Variants in CXADR observed in about 807,000 individuals in gnomAD.
CXADR encodes coxsackievirus and adenovirus receptor.
A neutral mutation model predicts 40.3 loss-of-function variants in CXADR; 20 were observed. That is an observed-to-expected ratio of 0.50 (90% confidence interval 0.35 to 0.72). The LOEUF (loss-of-function observed/expected upper bound fraction) is 0.72. Ranked by LOEUF, CXADR falls within the 30% of genes least tolerant of loss-of-function variation. The pLI is 0.01. For synonymous variants in CXADR, 150 were observed against 161.3 expected, an observed-to-expected ratio of 0.93 and a Z score of 0.53; for missense variants, 332 against 449.1, an observed-to-expected ratio of 0.74 and a Z score of 2.36.
At chr21:17,582,034 C>A (rs2061364397) in intron 7 of CXADR, among the ~76,000 whole-genome samples, 1 of 37,894 alleles carries the variant, frequency 2.6e-5, no homozygotes, top group Non-Finnish European at 4.8e-5. Context: ...CTCTGCCCTC[C>A]CGGGTTCAAG....
chr21:17,564,246 AC>A (rs1366608020), intron 6 of CXADR, among the ~76,000 whole-genome samples: 1 of 151,358 alleles, frequency 6.6e-6, no homozygotes, highest in African/African-American at 2.4e-5. Flanking sequence ...TAATCCCAGC[AC>A]TTTGGGAGGC....
At chr21:17,584,941 ATTTTATCACTTCTTCTTTAGAAGTGGT>A (rs1346347755) in intron 7 of CXADR, among the ~76,000 whole-genome samples, 1 of 152,244 alleles carries the variant, frequency 6.6e-6, no homozygotes, top group Admixed American at 6.5e-5. Flanking sequence ...CAATCAGTAT[ATTTTATCACTTCTTCTTTAGAAGTGGT>A]TGATGGATGA....
chr21:17,582,085 A>G (rs8131308), intron 7 of CXADR, among the ~76,000 whole-genome samples: 5,669 of 28,178 alleles, frequency 0.2, 196 homozygotes, highest in African/African-American at 0.33. Flanking sequence ...CTGGGATTAC[A>G]GGCACCTGCC....
At chr21:17,515,765 C>G (rs1242192950) in intron 1 of CXADR, among the ~76,000 whole-genome samples, 10 of 152,224 alleles carry the variant, frequency 6.6e-5, no homozygotes, top group Admixed American at 6.5e-5. Context: ...CACATCGCGC[C>G]ACTGCATTCC....
rs1341917769 is a variant in CXADR at position 17,558,057 on chromosome 21, A to C, written c.416-919A>C. ...TTGTTCTAAACAGTTACCCAGAAAC[A>C]CCTGGAATATAACCTCAGATTTCCT... On this transcript the variant is annotated intron_variant, in intron 3 of 6. Coordinates refer to ENST00000284878, the MANE Select transcript of CXADR (RefSeq NM_001338.5). Among the ~76,000 whole-genome samples, 8 of 150,714 alleles carry C rather than the reference A, an allele frequency of 5.3e-5. No homozygotes were observed. The Admixed American group carries it at 5.3e-4, about 10-fold the overall frequency.
chr21:17,521,711 C>T (rs1361121501), intron 1 of CXADR, among the ~76,000 whole-genome samples: 2 of 152,204 alleles, frequency 1.3e-5, no homozygotes, highest in Admixed American at 6.5e-5. Context: ...GACAGTGAAG[C>T]TTTGCATGTG....
chr21:17,566,297 A>C lies in CXADR; in HGVS notation c.*605A>C. The C allele has an allele frequency of 1.0e-6, 1 of 983,840 alleles. No individual in the cohort carries two copies. The highest frequency in any genetic ancestry group is 1.2e-6 in the Non-Finnish European group (1 of 828,458). The allele number at this position is 983,840 out of a possible 1,614,324, so 60.9% of individuals were successfully genotyped here. ...TCTAAGTCATTCATAAACCTTGTCTATGAAATGACTTCTTAAATATTTAGT... is the reference window on the plus strand; with the variant it reads ...TCTAAGTCATTCATAAACCTTGTCTCTGAAATGACTTCTTAAATATTTAGT... On this transcript the variant is annotated 3_prime_UTR_variant, in exon 7 of 7. Coordinates refer to ENST00000284878, the MANE Select transcript of CXADR (RefSeq NM_001338.5).
At chr21:17,521,600 G>A (rs909525782) in intron 1 of CXADR, among the ~76,000 whole-genome samples, 12 of 152,176 alleles carry the variant, frequency 7.9e-5, no homozygotes, top group Admixed American at 6.5e-4. Context: ...TGGGATTATA[G>A]GCGTGAGCCA....
chr21:17,573,464 A>G (rs1292230990), downstream of CXADR, among the ~76,000 whole-genome samples: 1 of 152,220 alleles, frequency 6.6e-6, no homozygotes, highest in Non-Finnish European at 1.5e-5. Context: ...TCAATGGCAT[A>G]ATAACAGTAT....
At chr21:17,599,599 C>T in the CXADR span, among the ~76,000 whole-genome samples, 81 of 152,130 alleles carry the variant, frequency 5.3e-4, no homozygotes, top group East Asian at 9.9e-3. Context: ...CCTGCCTCAG[C>T]CTCCTAAGTA....
chr21:17,614,740 C>T, the CXADR span, among the ~76,000 whole-genome samples: 1 of 151,836 alleles, frequency 6.6e-6, no homozygotes, highest in African/African-American at 2.4e-5. Flanking sequence ...AAGACTCTGT[C>T]TAAAAAAAGA....
chr21:17,625,616 T>C, the CXADR span, among the ~76,000 whole-genome samples: 1 of 152,240 alleles, frequency 6.6e-6, no homozygotes, highest in Non-Finnish European at 1.5e-5. Context: ...GATAAACTTT[T>C]TATTAATCTG....
intron 7 of CXADR, among the ~76,000 whole-genome samples, chr21:17,592,874 G>GACTTT (rs10631238): frequency 0.5 from 75,786 of 151,058 alleles, 20,558 homozygotes; most frequent in African/African-American, 0.72. Context: ...TTTAAAAACT[G>GACTTT]ACATTTTCAT....
chr21:17,565,084 C>T (rs1338775174), intron 6 of CXADR, among the ~76,000 whole-genome samples: 1 of 152,148 alleles, frequency 6.6e-6, no homozygotes, highest in African/African-American at 2.4e-5. Context: ...ATGGCTTTAA[C>T]TAGATTGTCT....
chr21:17,570,518 G>T (rs765022477), downstream of CXADR, among the ~76,000 whole-genome samples: 3 of 152,162 alleles, frequency 2.0e-5, no homozygotes, highest in African/African-American at 4.8e-5. Flanking sequence ...GGGGCCTCTT[G>T]CTGTATTCTC....
intron 1 of CXADR, among the ~76,000 whole-genome samples, chr21:17,529,873 A>G (rs1263033679): frequency 2.0e-5 from 3 of 152,254 alleles, no homozygotes; most frequent in Non-Finnish European, 1.5e-5. Context: ...ATCCGGAAAT[A>G]GAACCCAACC....
chr21:17,572,207 C>CGA, downstream of CXADR, among the ~76,000 whole-genome samples: 2 of 141,328 alleles, frequency 1.4e-5, no homozygotes, highest in Middle Eastern at 7.1e-3. Flanking sequence ...ACTAAAAATA[C>CGA]AAAAAAAAAA....
chr21:17,530,000 G>A (rs2060650517), intron 1 of CXADR, among the ~76,000 whole-genome samples: 1 of 150,714 alleles, frequency 6.6e-6, no homozygotes, highest in Admixed American at 6.6e-5. Flanking sequence ...TCATGCTGGA[G>A]TGTAGTGGCT....
intron 1 of CXADR, among the ~76,000 whole-genome samples, chr21:17,514,710 C>G (rs1600932707): frequency 6.6e-6 from 1 of 151,604 alleles, no homozygotes; most frequent in Non-Finnish European, 1.5e-5. Flanking sequence ...CTTGGCTCAC[C>G]ACAACCTCCG....
Sources: gnomAD v4.1 joint callset for allele counts (sites outside exome capture counted in the v4.1 genomes callset) on GRCh38, gnomAD v4.1.1 for gene constraint, MANE v1.5 for transcripts, NCBI Gene and HGNC (gene_info 2026-07-23, HGNC 2026-07-21) for gene names.